The following ANKRD13A variants were observed in gnomAD, a reference collection of about 807,000 sequenced individuals.
ANKRD13A encodes the protein ankyrin repeat domain 13A, also known as ankyrin repeat domain-containing protein 13A.
ANKRD13A carries 48 observed loss-of-function variants against 81.3 expected under a neutral mutation model. That is an observed-to-expected ratio of 0.59 (90% confidence interval 0.47 to 0.75). The LOEUF (loss-of-function observed/expected upper bound fraction) is 0.75, where lower values mean the gene tolerates loss of function less well. Ranked by LOEUF, ANKRD13A falls within the 30% of genes least tolerant of loss-of-function variation. The pLI, the probability that ANKRD13A is intolerant of heterozygous loss-of-function variation, is 0.00. For synonymous variants in ANKRD13A, 230 were observed against 270.1 expected (o/e 0.85, Z 1.45); for missense variants, 612 against 734.0 (o/e 0.83, Z 1.92).
Position 110,016,420 on chromosome 12 carries a change from A to G in ANKRD13A, c.387A>G (p.Glu129=), listed in dbSNP as rs1890807789. ...ATTTCTATGTGCAGATGAAATGGGA[A>G]TTCACCAGCTGGGGTGAGTGGCTGT... ...APDFYVQMKW[E]FTSWVPLVSR... The change falls in exon 4 of 15, where the codon GAA becomes GAG. Residue 129 remains glutamate (E), a synonymous_variant. Coordinates refer to ENST00000261739, the MANE Select transcript of ANKRD13A (RefSeq NM_033121.2). 1.3e-6 allele frequency: 2 copies of G among 1,594,906 alleles called. No homozygotes were observed. The highest frequency in any genetic ancestry group is 8.6e-7 in the Non-Finnish European group (1 of 1,166,692).
Position 110,037,641 on chromosome 12 carries a change from C to A in ANKRD13A, c.*87C>A, listed in dbSNP as rs1464267051. The A allele has an allele frequency of 1.7e-5, 23 of 1,374,936 alleles. No individual in the cohort carries two copies. Among genetic ancestry groups the A allele is most frequent in the Non-Finnish European group, 2.2e-5 (22 of 1,016,798 alleles). 85.2% of individuals were successfully genotyped at this position (1,374,936 alleles called of 1,614,324 possible). A position where few individuals can be genotyped will look rare whatever the true frequency, so the allele number is the denominator to read the frequency against. Reference sequence around the variant, plus strand: ...CAACCAGGGCCCTAGGGCTAAGGGCCTGCACCTTGCGTGCATGCAGCAGGC... The same window carrying A: ...CAACCAGGGCCCTAGGGCTAAGGGCATGCACCTTGCGTGCATGCAGCAGGC... On this transcript the variant is annotated 3_prime_UTR_variant, in exon 15 of 15. Transcript: ENST00000261739.
At chr12:110,029,727 A>G in intron 11 of ANKRD13A, 92 bp downstream of exon 11, 1 of 1,471,068 alleles carries the variant, frequency 6.8e-7, no homozygotes, top group Non-Finnish European at 9.4e-7. Context: ...AGGGAATTGG[A>G]GTGCTTTAGG....
intron 4 of ANKRD13A, among the ~76,000 whole-genome samples, chr12:110,017,919 G>A (rs1035889789): frequency 6.6e-6 from 1 of 150,872 alleles, no homozygotes; most frequent in African/African-American, 2.4e-5. Context: ...GCGACAGGGT[G>A]AGACTCCGTC....
At chr12:110,025,128 G>A (rs1891251705) in intron 7 of ANKRD13A, among the ~76,000 whole-genome samples, 1 of 152,198 alleles carries the variant, frequency 6.6e-6, no homozygotes, top group Non-Finnish European at 1.5e-5. Flanking sequence ...GGCCCAAGTA[G>A]GCAGATCACT....
chr12:110,033,784 C>T lies in ANKRD13A; in HGVS notation c.1349-13C>T, dbSNP rs2137182731. On this transcript the variant is annotated splice_polypyrimidine_tract_variant and intron_variant, in intron 12 of 14. Coordinates refer to ENST00000261739, the MANE Select transcript of ANKRD13A (RefSeq NM_033121.2). ...AATGAACTCAGACACTGGACGGTTG[C>T]CTTTTGTTTCAGCTTCCCACATCAC... 6.3e-7 allele frequency: 1 copy of T among 1,584,896 alleles called. No homozygotes were observed. The highest frequency in any genetic ancestry group is 8.6e-7 in the Non-Finnish European group (1 of 1,162,748).
chr12:110,011,013 G>A (rs1344027409), intron 1 of ANKRD13A, among the ~76,000 whole-genome samples: 1 of 152,162 alleles, frequency 6.6e-6, no homozygotes, highest in Non-Finnish European at 1.5e-5. Flanking sequence ...GCTGATATGG[G>A]AGGATCACTT....
In ANKRD13A at chr12:110,014,526, G is replaced by C. The variant is rs1439737575; in HGVS notation, c.354+1277G>C. ...TATTCTTTGCTTCAAGTTATAGAGA[G>C]CCTGTAAATGACCTGCGTACTTAGT... On this transcript the variant is annotated intron_variant, in intron 3 of 14. Transcript: ENST00000261739. 4.6e-5 allele frequency among the ~76,000 whole-genome samples: 7 copies of C among 152,206 alleles called. No homozygotes were observed. In the East Asian group the frequency reaches 1.2e-3, roughly 25 times the overall value.
chr12:110,013,875 T>A (rs1030750856), intron 3 of ANKRD13A, among the ~76,000 whole-genome samples: 1 of 151,838 alleles, frequency 6.6e-6, no homozygotes. Context: ...GTTAATTTGT[T>A]TAGGTGCCTG....
chr12:110,027,562 G>A (rs1304971153), intron 8 of ANKRD13A, 143 bp from the exon 9 acceptor site: 1 of 754,898 alleles, frequency 1.3e-6, no homozygotes, highest in Non-Finnish European at 2.3e-6. Context: ...TTAGTTTATG[G>A]TTATTGTGAA....
intron 4 of ANKRD13A, 147 bp downstream of exon 4, chr12:110,016,580 A>C: frequency 1.4e-6 from 1 of 717,554 alleles, no homozygotes; most frequent in Non-Finnish European, 2.1e-6. Context: ...AATCACTGAT[A>C]GTCCCAGTTA....
rs1199873217 is a variant in ANKRD13A at position 110,036,806 on chromosome 12, A to G, written c.1577+478A>G. On this transcript the variant is annotated intron_variant, in intron 14 of 14. Coordinates refer to ENST00000261739, the MANE Select transcript of ANKRD13A (RefSeq NM_033121.2). This position sits in a 1 kb window ranked among gnomAD's most constrained non-coding sequence, Gnocchi z 4.6. Reference sequence around the variant, plus strand: ...TTGCTTCCTCTTGTGGCAGTTACTTATAATAACTCTAGACTCTTGATAGCA... The same window carrying G: ...TTGCTTCCTCTTGTGGCAGTTACTTGTAATAACTCTAGACTCTTGATAGCA... Among the ~76,000 whole-genome samples, 1 of 151,942 alleles carries G rather than the reference A, an allele frequency of 6.6e-6. No individual in the cohort carries two copies. The highest frequency in any genetic ancestry group is 6.5e-5 in the Admixed American group (1 of 15,276).
At chr12:110,004,405 C>A (rs954811608) in intron 1 of ANKRD13A, among the ~76,000 whole-genome samples, 1 of 151,954 alleles carries the variant, frequency 6.6e-6, no homozygotes, top group African/African-American at 2.4e-5. Flanking sequence ...CACCTGAGGT[C>A]GGGAGTTCGA....
rs766166768 is a variant in ANKRD13A at position 110,028,600 on chromosome 12, G to A, written c.1034G>A (p.Arg345Lys). 6.2e-7 allele frequency: 1 copy of A among 1,614,238 alleles called. No homozygotes were observed. The highest frequency in any genetic ancestry group is 1.1e-5 in the South Asian group (1 of 91,086). ...AATGAAGAGTTTGATCTGAAAGACA[G>A]GGACATTGGAAGGCCGAAAGAGCTG... ...YFNEEFDLKD[R>K]DIGRPKELTI... is the part of the protein sequence containing the mutation. The change falls in exon 10 of 15, where the codon AGG (arginine) becomes AAG (lysine). Residue 345 changes from arginine (R) to lysine (K), a missense_variant. By Grantham distance (26) the Arg-to-Lys change is conservative. Coordinates refer to ENST00000261739, the MANE Select transcript of ANKRD13A (RefSeq NM_033121.2).
chr12:110,014,999 A>C (rs1434988504), intron 3 of ANKRD13A, among the ~76,000 whole-genome samples: 1 of 151,444 alleles, frequency 6.6e-6, no homozygotes, highest in Non-Finnish European at 1.5e-5. Context: ...CATGGTCTCG[A>C]TCTCCTGACC....
Position 110,013,114 on chromosome 12 carries a change from T to G in ANKRD13A, c.230-11T>G, listed in dbSNP as rs1890613129. Reference sequence around the variant, plus strand: ...AGTATGAGAATTAAATTTCACCCTTTTGTTTTCTAGTTTTACATGAGGCTG... The same window carrying G: ...AGTATGAGAATTAAATTTCACCCTTGTGTTTTCTAGTTTTACATGAGGCTG... On this transcript the variant is annotated splice_polypyrimidine_tract_variant and intron_variant, in intron 2 of 14. Coordinates refer to ENST00000261739, the MANE Select transcript of ANKRD13A (RefSeq NM_033121.2). 1 of 1,612,120 alleles carries G rather than the reference T, an allele frequency of 6.2e-7. No homozygotes were observed. Among genetic ancestry groups the G allele is most frequent in the African/African-American group, 1.3e-5 (1 of 74,832 alleles).
chr12:110,037,375 C>T lies in ANKRD13A; in HGVS notation c.1594C>T (p.Leu532Phe), dbSNP rs1246000070. 6.2e-7 allele frequency: 1 copy of T among 1,614,012 alleles called. No individual in the cohort carries two copies. Among genetic ancestry groups the T allele is most frequent in the Non-Finnish European group, 8.5e-7 (1 of 1,179,992 alleles). ...CCAACCCAGGGCCATCCAGGAGAGCCTCCTCACCAGCACAGAAGGCCTGTG... is the reference window on the plus strand; with the variant it reads ...CCAACCCAGGGCCATCCAGGAGAGCTTCCTCACCAGCACAGAAGGCCTGTG... Reference protein sequence around the residue: ...AQYERAIQESLLTSTEGLCPS... With the variant: ...AQYERAIQESFLTSTEGLCPS... Residue 532 changes from leucine (L) to phenylalanine (F), a missense_variant, in exon 15 of 15, where the codon CTC (leucine) becomes TTC (phenylalanine). Physicochemically the swap from Leu to Phe is conservative, Grantham distance 22. Transcript: ENST00000261739.
chr12:110,031,837 T>G (rs540332030), intron 12 of ANKRD13A, among the ~76,000 whole-genome samples: 4 of 152,310 alleles, frequency 2.6e-5, no homozygotes, highest in Non-Finnish European at 5.9e-5. Context: ...AGTTTTGTAT[T>G]TTGACCTTGA....
intron 1 of ANKRD13A, among the ~76,000 whole-genome samples, chr12:110,009,986 T>A (rs775568103): frequency 7.9e-5 from 12 of 152,236 alleles, no homozygotes; most frequent in Non-Finnish European, 1.5e-4. Context: ...TGCCTCAGCT[T>A]CCCGAGTAGC....
At position 110,014,789 on chromosome 12, in the gene ANKRD13A, C is replaced by CTTTTTTTTTTT. The variant is rs761398140; in HGVS notation, c.354+1542_354+1552dup. On this transcript the variant is annotated intron_variant, in intron 3 of 14. Coordinates refer to ENST00000261739, the MANE Select transcript of ANKRD13A (RefSeq NM_033121.2). Reference sequence around the variant, plus strand: ...ACCTGGAATTTCTAGCATTTCTCTTCTTTTTTTTTTTTGAGACGGAATCTC... The same window carrying CTTTTTTTTTTT: ...ACCTGGAATTTCTAGCATTTCTCTTCTTTTTTTTTTTTTTTTTTTTTTTGAGACGGAATCTC... Among the ~76,000 whole-genome samples, 38 of 135,698 alleles carry CTTTTTTTTTTT rather than the reference C, an allele frequency of 2.8e-4. 1 individual carries two copies. In the South Asian group the frequency reaches 3.2e-3, roughly 11 times the overall value. The allele number at this position is 135,698 out of a possible 152,430, so 89.0% of individuals were successfully genotyped here. A position where few individuals can be genotyped will look rare whatever the true frequency, so the allele number is the denominator to read the frequency against.
Sources: gnomAD v4.1 joint callset for allele counts (sites outside exome capture counted in the v4.1 genomes callset) on GRCh38, gnomAD v4.1.1 for gene constraint, Gnocchi (gnomAD v3.1) non-coding constraint, MANE v1.5 for transcripts, NCBI Gene and HGNC (gene_info 2026-07-23, HGNC 2026-07-21) for gene names.